Variants in A1CF observed in about 807,000 individuals in gnomAD.
A1CF encodes the protein APOBEC1 complementation factor.
In A1CF, 48 loss-of-function variants were observed where a neutral mutation model predicts 68.9. The ratio of observed to expected loss-of-function variants is 0.70; its 90% CI spans 0.55 to 0.89. The LOEUF (loss-of-function observed/expected upper bound fraction) is 0.89. A1CF is among the 40% of genes least tolerant of loss of function. A1CF has a pLI of 0.00. For missense variants in A1CF, 653 were observed against 718.9 expected, an observed-to-expected ratio of 0.91 and a Z score of 1.05; for synonymous variants, 272 against 260.4, an observed-to-expected ratio of 1.04 and a Z score of -0.43.
In A1CF at chr10:50,844,029, G is replaced by A. The variant is rs1332342549; in HGVS notation, c.193C>T (p.Arg65Ter). 1.2e-5 allele frequency: 19 copies of A among 1,613,666 alleles called. No individual in the cohort carries two copies. The highest frequency in any genetic ancestry group is 1.6e-5 in the Non-Finnish European group (19 of 1,179,842). ...ATAAGCTCATCCTCAAAAAGGTCTC[G>A]GGGAAGTTTTCCAATAAAAATTTCA... The part of the protein sequence containing the change: ...GCEIFIGKLP[R>*]DLFEDELIPL... The change falls in exon 4 of 13, where the codon CGA (arginine) becomes TGA (stop). Residue 65 changes from arginine (R) to a stop codon, truncating the protein, a stop_gained. Transcript: ENST00000373997. LOFTEE classifies it high-confidence loss of function.
At chr10:50,856,954 T>G (rs1223099871) in intron 3 of A1CF, among the ~76,000 whole-genome samples, 1 of 152,160 alleles carries the variant, frequency 6.6e-6, no homozygotes, top group African/African-American at 2.4e-5. Context: ...TAAATGTCCT[T>G]AAATCATAAC....
intron 3 of A1CF, among the ~76,000 whole-genome samples, chr10:50,844,410 G>A (rs1350103523): frequency 6.6e-6 from 1 of 151,840 alleles, no homozygotes; most frequent in African/African-American, 2.4e-5. Flanking sequence ...ACACTTAAGA[G>A]ATCTATCTTC....
Position 50,813,933 on chromosome 10 carries a change from T to C in A1CF, c.1247A>G (p.Asp416Gly). 6.2e-7 allele frequency: 1 copy of C among 1,613,902 alleles called. No homozygotes were observed. Among genetic ancestry groups the C allele is most frequent in the Non-Finnish European group, 8.5e-7 (1 of 1,179,874 alleles). Residue 416 changes from aspartate to glycine, a missense_variant, in exon 10 of 13, where the codon GAC (aspartate) becomes GGC (glycine). Coordinates refer to ENST00000373997, the MANE Select transcript of A1CF (RefSeq NM_014576.4). The part of the protein sequence containing the change: ...KGDKREDKLY[D>G]ILPGMELTPM... ...GGTGAGCTCCATCCCAGGTAAAATG[T>C]CATAGAGTTTGTCTTCTCTTTTGTC...
At chr10:50,874,910 CT>C (rs2132600673) in intron 1 of A1CF, among the ~76,000 whole-genome samples, 1 of 152,314 alleles carries the variant, frequency 6.6e-6, no homozygotes, top group East Asian at 1.9e-4. Context: ...TCATCTTACC[CT>C]CCCGGAAGGA....
At chr10:50,880,190 T>A (rs1564539117) in intron 1 of A1CF, among the ~76,000 whole-genome samples, 1 of 152,206 alleles carries the variant, frequency 6.6e-6, no homozygotes, top group Non-Finnish European at 1.5e-5. Flanking sequence ...GCCTTGATGC[T>A]TCCCAGTGTT....
Position 50,836,068 on chromosome 10 carries a change from G to A in A1CF, c.604+6C>T, listed in dbSNP as rs1421360963. On this transcript the variant is annotated splice_donor_region_variant and intron_variant, in intron 6 of 12. Transcript: ENST00000373997. ...AAGTCTCATCTTTGAGGAGGGGATT[G>A]CTAACCTGGTAGCAGTTTCCTCCTC... 6.3e-7 allele frequency: 1 copy of A among 1,595,780 alleles called. No homozygotes were observed. The highest frequency in any genetic ancestry group is 2.2e-5 in the East Asian group (1 of 44,620).
intron 1 of A1CF, among the ~76,000 whole-genome samples, chr10:50,880,994 CTTTT>C (rs1288535656): frequency 6.9e-6 from 1 of 143,964 alleles, no homozygotes; most frequent in Non-Finnish European, 1.5e-5. Context: ...CATTTAGACT[CTTTT>C]TTTTTTTTTG....
chr10:50,844,312 C>T (rs575632669), intron 3 of A1CF, among the ~76,000 whole-genome samples, 190 bp from the exon 4 acceptor site: 2 of 152,292 alleles, frequency 1.3e-5, no homozygotes, highest in Non-Finnish European at 2.9e-5. Flanking sequence ...CTCTGTGCTT[C>T]AGCAGCTTGC....
At chr10:50,839,821 C>T (rs953990041) in intron 5 of A1CF, among the ~76,000 whole-genome samples, 1 of 149,840 alleles carries the variant, frequency 6.7e-6, no homozygotes, top group Non-Finnish European at 1.5e-5. Context: ...GATCTCGGCT[C>T]ACTGCAATCT....
chr10:50,815,731 G>T (rs1271314710), intron 9 of A1CF, among the ~76,000 whole-genome samples: 1 of 152,130 alleles, frequency 6.6e-6, no homozygotes, highest in African/African-American at 2.4e-5. Context: ...ATAGAACTAG[G>T]TTTTAGTTTG....
chr10:50,866,008 G>A (rs1243162315), intron 1 of A1CF, among the ~76,000 whole-genome samples: 1 of 152,170 alleles, frequency 6.6e-6, no homozygotes, highest in Non-Finnish European at 1.5e-5. Context: ...TAGAAGAAAT[G>A]CAAAACTTTG....
intron 12 of A1CF, among the ~76,000 whole-genome samples, chr10:50,809,211 T>A (rs1837976314): frequency 6.6e-6 from 1 of 152,170 alleles, no homozygotes; most frequent in Non-Finnish European, 1.5e-5. Context: ...CTTTAAGCAA[T>A]CAGCATATGC....
At chr10:50,820,702 A>C (rs2132356259) in intron 7 of A1CF, 53 bp from the exon 8 acceptor site, 1 of 1,481,708 alleles carries the variant, frequency 6.7e-7, no homozygotes, top group Non-Finnish European at 9.3e-7. Flanking sequence ...GAGCCTTGAA[A>C]GTGATATATT....
At chr10:50,879,061 A>C (rs1196928358) in intron 1 of A1CF, among the ~76,000 whole-genome samples, 1 of 152,192 alleles carries the variant, frequency 6.6e-6, no homozygotes, top group Non-Finnish European at 1.5e-5. Flanking sequence ...AAGCGATTTT[A>C]GTCCCTATCA....
At chr10:50,850,839 T>C in intron 3 of A1CF, 6 of 1,587,112 alleles carry the variant, frequency 3.8e-6, no homozygotes, top group Non-Finnish European at 5.1e-6. Context: ...ACAGCTTTAG[T>C]CATTCCTTAA....
intron 1 of A1CF, among the ~76,000 whole-genome samples, chr10:50,875,073 A>T (rs1214249064): frequency 6.6e-6 from 1 of 152,236 alleles, no homozygotes; most frequent in African/African-American, 2.4e-5. Context: ...GAATAATTGA[A>T]TTTATTCCAC....
intron 5 of A1CF, among the ~76,000 whole-genome samples, chr10:50,838,057 A>G (rs1386645170): frequency 6.6e-6 from 1 of 152,206 alleles, no homozygotes; most frequent in Non-Finnish European, 1.5e-5. Context: ...ATTAGGCTAT[A>G]TGACTTTTGT....
intron 11 of A1CF, 85 bp from the exon 12 acceptor site, chr10:50,810,127 A>G: frequency 6.7e-7 from 1 of 1,494,628 alleles, no homozygotes; most frequent in Non-Finnish European, 9.2e-7. Context: ...CAGCTTTGTA[A>G]GATGACTGGA....
At chr10:50,845,857 G>A (rs568868124) in intron 3 of A1CF, among the ~76,000 whole-genome samples, 1 of 151,946 alleles carries the variant, frequency 6.6e-6, no homozygotes, top group Non-Finnish European at 1.5e-5. Context: ...GGGAGTCTGA[G>A]GCATGAGAAT....
Sources: gnomAD v4.1 joint callset for allele counts (sites outside exome capture counted in the v4.1 genomes callset) on GRCh38, gnomAD v4.1.1 for gene constraint, MANE v1.5 for transcripts, NCBI Gene and HGNC (gene_info 2026-07-23, HGNC 2026-07-21) for gene names.